Variants in CSNK1G1 observed in about 807,000 individuals in gnomAD.
The protein encoded by CSNK1G1 is casein kinase I isoform gamma-1.
CSNK1G1 carries 22 observed loss-of-function variants against 59.6 expected under a neutral mutation model. The ratio of observed to expected loss-of-function variants is 0.37; its 90% CI spans 0.26 to 0.53. CSNK1G1 has a LOEUF of 0.53. CSNK1G1 is among the 20% of genes least tolerant of loss of function. The pLI, the probability that CSNK1G1 is intolerant of heterozygous loss-of-function variation, is 0.89. For synonymous variants in CSNK1G1, 179 were observed against 177.1 expected (o/e 1.01, Z -0.08); for missense variants, 384 against 519.5 (o/e 0.74, Z 2.54).
intron 7 of CSNK1G1, among the ~76,000 whole-genome samples, chr15:64,207,152 T>C (rs2082193183): frequency 2.0e-5 from 3 of 152,118 alleles, no homozygotes; most frequent in Non-Finnish European, 2.9e-5. Context: ...GGAAGACAAA[T>C]GTGAACAAAA....
chr15:64,349,990 G>A (rs1163686302), intron 1 of CSNK1G1, among the ~76,000 whole-genome samples: 1 of 151,440 alleles, frequency 6.6e-6, no homozygotes, highest in Non-Finnish European at 1.5e-5. Context: ...ACATTTAGAT[G>A]AAAACTAAGC....
chr15:64,291,529 G>A (rs1408316461), intron 2 of CSNK1G1, among the ~76,000 whole-genome samples: 3 of 152,016 alleles, frequency 2.0e-5, no homozygotes, highest in Non-Finnish European at 2.9e-5. Flanking sequence ...TGGAGGTTGC[G>A]GTGAGCTAAG....
intron 10 of CSNK1G1, among the ~76,000 whole-genome samples, chr15:64,201,919 G>T (rs1310781056): frequency 6.6e-6 from 1 of 151,990 alleles, no homozygotes; most frequent in Non-Finnish European, 1.5e-5. Context: ...TGTTTATTAT[G>T]CTTTGCTTAT....
At chr15:64,223,722 T>C (rs914147868) in intron 4 of CSNK1G1, among the ~76,000 whole-genome samples, 2 of 152,194 alleles carry the variant, frequency 1.3e-5, no homozygotes, top group African/African-American at 2.4e-5. Flanking sequence ...ACAGTACATA[T>C]GTTATCTTGT....
chr15:64,247,559 T>C (rs889927155), intron 4 of CSNK1G1, among the ~76,000 whole-genome samples: 1 of 151,934 alleles, frequency 6.6e-6, no homozygotes, highest in African/African-American at 2.4e-5. Context: ...GAAAACAAAG[T>C]GGAATGGAAG....
intron 2 of CSNK1G1, among the ~76,000 whole-genome samples, chr15:64,271,570 T>A (rs367581762): frequency 5.3e-5 from 8 of 152,238 alleles, no homozygotes; most frequent in East Asian, 3.8e-4. Context: ...ATTACAGGTG[T>A]TAGCCACAGT....
chr15:64,266,463 T>C (rs1304489480), intron 2 of CSNK1G1, among the ~76,000 whole-genome samples: 2 of 152,058 alleles, frequency 1.3e-5, no homozygotes, highest in Admixed American at 6.5e-5. Context: ...ATCTACAAGA[T>C]TCAATGCAAT....
chr15:64,263,419 C>T (rs1277752956), intron 2 of CSNK1G1, among the ~76,000 whole-genome samples: 1 of 152,016 alleles, frequency 6.6e-6, no homozygotes, highest in Non-Finnish European at 1.5e-5. Flanking sequence ...GATCTCTTGA[C>T]TTCATGATCC....
intron 1 of CSNK1G1, among the ~76,000 whole-genome samples, chr15:64,347,714 A>C (rs983632474): frequency 6.6e-6 from 1 of 152,110 alleles, no homozygotes; most frequent in African/African-American, 2.4e-5. Context: ...AAGCCACAAA[A>C]AAACATGAAG....
At position 64,258,182 on chromosome 15, in the gene CSNK1G1, C is replaced by T. The variant is rs115762473; in HGVS notation, c.222+1019G>A. On this transcript the variant is annotated intron_variant, in intron 3 of 11. Transcript: ENST00000303052. ...CTGTAATCCCAGCACTTTGGGAGGCCGAGCTGGGCAACATGATGAAATCCC... is the reference window on the plus strand; with the variant it reads ...CTGTAATCCCAGCACTTTGGGAGGCTGAGCTGGGCAACATGATGAAATCCC... Among the ~76,000 whole-genome samples, 805 of 152,092 alleles carry T rather than the reference C, an allele frequency of 5.3e-3. 9 individuals carry two copies. Among genetic ancestry groups the T allele is most frequent in the African/African-American group, 0.018 (739 of 41,476 alleles).
rs2082489376 is a variant in CSNK1G1 at position 64,228,314 on chromosome 15, A to G, written c.293-11601T>C. Among the ~76,000 whole-genome samples, 3 of 152,302 alleles carry G rather than the reference A, an allele frequency of 2.0e-5. No homozygotes were observed. The South Asian group carries it at 6.2e-4, about 32-fold the overall frequency. On this transcript the variant is annotated intron_variant, in intron 4 of 11. Transcript: ENST00000303052. ...ATATTACCCATTTTTAGACAACCAAACATAACAGCAAACCAAAAGCAGTAA... is the reference window on the plus strand; with the variant it reads ...ATATTACCCATTTTTAGACAACCAAGCATAACAGCAAACCAAAAGCAGTAA...
chr15:64,343,227 A>ACACACACACACACACACACACC (rs1345620258), intron 1 of CSNK1G1, among the ~76,000 whole-genome samples: 1 of 151,556 alleles, frequency 6.6e-6, no homozygotes, highest in Non-Finnish European at 1.5e-5. Context: ...ACACACACAC[A>ACACACACACACACACACACACC]CACACACACC....
chr15:64,277,411 C>G (rs902918881), intron 2 of CSNK1G1, among the ~76,000 whole-genome samples: 1 of 151,328 alleles, frequency 6.6e-6, no homozygotes, highest in African/African-American at 2.4e-5. Flanking sequence ...GTTACAGTGA[C>G]CTGTGATTGC....
At chr15:64,273,638 G>A (rs1441461780) in intron 2 of CSNK1G1, among the ~76,000 whole-genome samples, 1 of 151,904 alleles carries the variant, frequency 6.6e-6, no homozygotes, top group Non-Finnish European at 1.5e-5. Flanking sequence ...CTAAATGAGG[G>A]GTGTCCAACC....
intron 4 of CSNK1G1, among the ~76,000 whole-genome samples, chr15:64,240,326 A>G (rs2082677250): frequency 6.6e-6 from 1 of 152,166 alleles, no homozygotes; most frequent in African/African-American, 2.4e-5. Context: ...AAACATGCAT[A>G]TTATATGATT....
chr15:64,327,308 A>C (rs1285453402), intron 1 of CSNK1G1, among the ~76,000 whole-genome samples: 2 of 149,964 alleles, frequency 1.3e-5, no homozygotes, highest in Non-Finnish European at 3.0e-5. Context: ...TGGTTCTCCC[A>C]GCACGCAGCT....
At chr15:64,306,238 A>G (rs1474283940) in intron 1 of CSNK1G1, among the ~76,000 whole-genome samples, 2 of 152,214 alleles carry the variant, frequency 1.3e-5, no homozygotes, top group Non-Finnish European at 2.9e-5. Flanking sequence ...TTTACAAAAC[A>G]CTTAACTTGT....
chr15:64,185,080 T>C (rs150071232), intron 10 of CSNK1G1, among the ~76,000 whole-genome samples: 8 of 152,342 alleles, frequency 5.3e-5, no homozygotes, highest in African/African-American at 1.7e-4. Flanking sequence ...TATTATCTTC[T>C]TGCATTTAGG....
chr15:64,171,845 G>A lies in CSNK1G1; in HGVS notation c.*86C>T. On this transcript the variant is annotated 3_prime_UTR_variant, in exon 12 of 12. Transcript: ENST00000303052. The surrounding 1 kb of genome is among the most constrained non-coding windows in gnomAD (Gnocchi z 4.8). ...TGGATATCCACCCTCCCCCAAAGAG[G>A]AGTCCCTTCCAATGAGAAATGGCAG... 2 of 1,157,340 alleles carry A rather than the reference G, an allele frequency of 1.7e-6. No homozygotes were observed. The allele number at this position is 1,157,340 out of a possible 1,614,324, so 71.7% of individuals were successfully genotyped here.
Sources: gnomAD v4.1 joint callset for allele counts (sites outside exome capture counted in the v4.1 genomes callset) on GRCh38, gnomAD v4.1.1 for gene constraint, Gnocchi (gnomAD v3.1) non-coding constraint, MANE v1.5 for transcripts, NCBI Gene and HGNC (gene_info 2026-07-23, HGNC 2026-07-21) for gene names.